MACROD2: variants seen among roughly 807,000 people sequenced by gnomAD.
MACROD2 encodes the protein mono-ADP ribosylhydrolase 2.
Under a neutral mutation model 70.4 loss-of-function variants are expected in MACROD2, and 36 were observed. The ratio of observed to expected loss-of-function variants is 0.51; its 90% CI spans 0.39 to 0.68. The LOEUF (loss-of-function observed/expected upper bound fraction) is 0.68. Among genes scored for constraint, MACROD2 ranks in the 30% least tolerant of loss-of-function variants. MACROD2 has a pLI of 0.00. For synonymous variants in MACROD2, 172 were observed against 178.8 expected (o/e 0.96, Z 0.30); for missense variants, 496 against 538.4 (o/e 0.92, Z 0.78).
At chr20:14,977,462 TACACAC>T (rs3045702) in intron 5 of MACROD2, among the ~76,000 whole-genome samples, 113 of 135,082 alleles carry the variant, frequency 8.4e-4, no homozygotes, top group African/African-American at 2.2e-3. Context: ...AAGAAAAAGA[TACACAC>T]ACACACACAC....
intron 8 of MACROD2, among the ~76,000 whole-genome samples, chr20:15,566,781 C>T (rs975456540): frequency 4.6e-5 from 7 of 152,116 alleles, no homozygotes; most frequent in Non-Finnish European, 8.8e-5. Context: ...CAAAAGCCTC[C>T]CCTGTTTATC....
chr20:15,763,931 A>C, intron 8 of MACROD2, among the ~76,000 whole-genome samples: 1 of 152,260 alleles, frequency 6.6e-6, no homozygotes, highest in East Asian at 1.9e-4. Flanking sequence ...TCTAATATCA[A>C]AGTAAGACAT....
chr20:14,994,701 A>G (rs1035419518), intron 5 of MACROD2, among the ~76,000 whole-genome samples: 2 of 152,230 alleles, frequency 1.3e-5, no homozygotes, highest in Admixed American at 6.5e-5. Flanking sequence ...TCTCTCACTG[A>G]TCTATGTACT....
intron 2 of MACROD2, among the ~76,000 whole-genome samples, chr20:14,026,896 C>T (rs1424054774): frequency 2.0e-5 from 3 of 152,182 alleles, no homozygotes. Context: ...AATATTCCTG[C>T]CTGCTGACTC....
At chr20:15,055,848 T>C (rs1212794684) in intron 5 of MACROD2, among the ~76,000 whole-genome samples, 1 of 148,646 alleles carries the variant, frequency 6.7e-6, no homozygotes, top group Admixed American at 6.9e-5. Context: ...CAGGCTAGAG[T>C]GCAGTGGCGC....
rs1241279638 is a variant in MACROD2, at chr20:14,231,128, C to CT, written c.271+145409dup. ...CAGGCAGAGTGCATTTAGCATCATT[C>CT]TTTTTTTTTCTTTTTTTTTTAAATT... is the stretch of plus-strand genomic sequence containing the variant. On this transcript the variant is annotated intron_variant, in intron 3 of 17. Transcript: ENST00000684519. Among the ~76,000 whole-genome samples the CT allele has an allele frequency of 1.1e-4, 17 of 148,656 alleles. No homozygotes were observed. The East Asian group carries it at 2.8e-3, about 24-fold the overall frequency.
intron 6 of MACROD2, among the ~76,000 whole-genome samples, chr20:15,260,656 A>G (rs2077241160): frequency 6.6e-6 from 1 of 151,816 alleles, no homozygotes; most frequent in African/African-American, 2.4e-5. Flanking sequence ...GTCATATGGT[A>G]GTTCTGTTTT....
intron 3 of MACROD2, among the ~76,000 whole-genome samples, chr20:14,132,153 C>T (rs922033103): frequency 7.2e-6 from 1 of 137,992 alleles, no homozygotes; most frequent in African/African-American, 2.6e-5. Context: ...AAAAAAGATT[C>T]TCCCACCTCA....
At chr20:15,086,140 G>A (rs574568917) in intron 5 of MACROD2, among the ~76,000 whole-genome samples, 120 of 152,132 alleles carry the variant, frequency 7.9e-4, no homozygotes, top group African/African-American at 2.8e-3. Flanking sequence ...TAACATCTGA[G>A]AACCACTGGG....
chr20:14,198,562 C>T (rs2081452806), intron 3 of MACROD2, among the ~76,000 whole-genome samples: 1 of 152,102 alleles, frequency 6.6e-6, no homozygotes, highest in African/African-American at 2.4e-5. Context: ...AGAAATAGAC[C>T]TTTTCCATAG....
chr20:15,590,077 TA>T (rs1354313750), intron 8 of MACROD2, among the ~76,000 whole-genome samples: 1 of 152,158 alleles, frequency 6.6e-6, no homozygotes, highest in Non-Finnish European at 1.5e-5. Context: ...CTTAAATACA[TA>T]AAAATACTTA....
chr20:15,040,054 A>G (rs899118246), intron 5 of MACROD2, among the ~76,000 whole-genome samples: 1 of 152,110 alleles, frequency 6.6e-6, no homozygotes, highest in Admixed American at 6.5e-5. Flanking sequence ...TTCATATATG[A>G]GGGGAAAAGC....
At chr20:15,599,467 A>G (rs1270978489) in intron 8 of MACROD2, among the ~76,000 whole-genome samples, 1 of 152,100 alleles carries the variant, frequency 6.6e-6, no homozygotes, top group Non-Finnish European at 1.5e-5. Flanking sequence ...CTTTACACGA[A>G]ACAGTGGTCA....
At chr20:14,490,988 T>TAA (rs1472626267) in intron 3 of MACROD2, among the ~76,000 whole-genome samples, 3 of 152,154 alleles carry the variant, frequency 2.0e-5, no homozygotes, top group Admixed American at 6.5e-5. Flanking sequence ...ACCTTGCCTT[T>TAA]AAGAAGCTTC....
intron 8 of MACROD2, among the ~76,000 whole-genome samples, chr20:15,751,470 G>C (rs1252146074): frequency 2.6e-5 from 4 of 152,014 alleles, no homozygotes; most frequent in Admixed American, 2.6e-4. Flanking sequence ...GTTGTTCATT[G>C]AAGGGTAACA....
chr20:14,613,434 C>G (rs1026173298), intron 4 of MACROD2, among the ~76,000 whole-genome samples: 5 of 151,890 alleles, frequency 3.3e-5, no homozygotes, highest in Non-Finnish European at 7.4e-5. Context: ...CAGAAGGTAA[C>G]AGGAATGATT....
intron 3 of MACROD2, among the ~76,000 whole-genome samples, chr20:14,411,744 C>T (rs952369977): frequency 1.3e-5 from 2 of 151,996 alleles, no homozygotes; most frequent in Non-Finnish European, 2.9e-5. Context: ...CAAGCTGCCC[C>T]CTACCAGCAC....
chr20:15,113,302 G>A lies in MACROD2; in HGVS notation c.419-116638G>A, dbSNP rs1472057853. 5.3e-5 allele frequency among the ~76,000 whole-genome samples: 8 copies of A among 152,322 alleles called. No individual in the cohort carries two copies. In the South Asian group the frequency reaches 1.4e-3, roughly 28 times the overall value. ...TAGCTGAGAAAATAGCACTGCTGGT[G>A]TAACAATGCCATATGTAGCTGATCT... On this transcript the variant is annotated intron_variant, in intron 5 of 17. Coordinates refer to ENST00000684519, the MANE Select transcript of MACROD2 (RefSeq NM_001351661.2).
At chr20:15,188,976 T>A (rs184594067) in intron 5 of MACROD2, among the ~76,000 whole-genome samples, 1 of 152,288 alleles carries the variant, frequency 6.6e-6, no homozygotes. Flanking sequence ...TTATCAAACA[T>A]TTCTGGTTTC....
Sources: gnomAD v4.1 joint callset for allele counts (sites outside exome capture counted in the v4.1 genomes callset) on GRCh38, gnomAD v4.1.1 for gene constraint, MANE v1.5 for transcripts, NCBI Gene and HGNC (gene_info 2026-07-23, HGNC 2026-07-21) for gene names.